WDR41: variants seen among roughly 807,000 people sequenced by gnomAD.
WDR41 encodes the protein WD repeat-containing protein 41.
WDR41 carries 63 observed loss-of-function variants against 69.3 expected under a neutral mutation model. The ratio of observed to expected loss-of-function variants is 0.91; its 90% CI spans 0.74 to 1.12. The LOEUF (loss-of-function observed/expected upper bound fraction) is 1.12, where lower values mean the gene tolerates loss of function less well. WDR41 is among the 50% of genes most tolerant of loss of function. The probability of loss-of-function intolerance (pLI) is 0.00; values close to 1 mark genes in which losing one functional copy is unlikely to be tolerated. For missense variants in WDR41, 543 were observed against 534.5 expected, an observed-to-expected ratio of 1.02 and a Z score of -0.16; for synonymous variants, 185 against 192.1, an observed-to-expected ratio of 0.96 and a Z score of 0.31.
intron 12 of WDR41, among the ~76,000 whole-genome samples, chr5:77,435,924 C>A (rs1798921442): frequency 6.6e-6 from 1 of 152,198 alleles, no homozygotes; most frequent in African/African-American, 2.4e-5. Context: ...TAACTGTATA[C>A]ACATATAACC....
intron 1 of WDR41, among the ~76,000 whole-genome samples, chr5:77,542,814 T>C (rs531531202): frequency 6.6e-6 from 1 of 152,226 alleles, no homozygotes; most frequent in Admixed American, 6.5e-5. Context: ...GAAGCTCACA[T>C]TGTGAATTTT....
At chr5:77,445,710 G>A (rs1460658907) in intron 8 of WDR41, among the ~76,000 whole-genome samples, 1 of 152,108 alleles carries the variant, frequency 6.6e-6, no homozygotes, top group African/African-American at 2.4e-5. Context: ...AAAGGCCTTC[G>A]ATAAAATTTA....
At chr5:77,486,281 A>G (rs913875370) in intron 2 of WDR41, among the ~76,000 whole-genome samples, 6 of 152,242 alleles carry the variant, frequency 3.9e-5, no homozygotes, top group African/African-American at 1.2e-4. Context: ...ATAGTTGATT[A>G]TATGTAAATT....
intron 1 of WDR41, among the ~76,000 whole-genome samples, chr5:77,590,397 C>T (rs934307668): frequency 3.3e-5 from 5 of 152,118 alleles, no homozygotes; most frequent in African/African-American, 7.2e-5. Context: ...AGACATACAA[C>T]GCCCAGAAGG....
chr5:77,593,572 T>C (rs1214629617), intron 1 of WDR41, among the ~76,000 whole-genome samples: 2 of 152,254 alleles, frequency 1.3e-5, no homozygotes, highest in Admixed American at 6.5e-5. Flanking sequence ...ATATAGTAAA[T>C]GTAAACAAAG....
intron 1 of WDR41, among the ~76,000 whole-genome samples, chr5:77,612,078 C>G (rs970267109): frequency 7.9e-5 from 12 of 152,104 alleles, no homozygotes; most frequent in Admixed American, 2.6e-4. Flanking sequence ...TACACCCTCC[C>G]AAGACTAAAC....
At chr5:77,513,794 CT>C (rs1342512429) in intron 1 of WDR41, among the ~76,000 whole-genome samples, 1 of 152,086 alleles carries the variant, frequency 6.6e-6, no homozygotes, top group Non-Finnish European at 1.5e-5. Flanking sequence ...TTTCTAGCTC[CT>C]TTGACTACAG....
chr5:77,441,329 ATG>A (rs1429479182), intron 8 of WDR41, among the ~76,000 whole-genome samples: 22 of 152,222 alleles, frequency 1.4e-4, no homozygotes, highest in Non-Finnish European at 1.5e-5. Context: ...AGATTAAAAC[ATG>A]AAAGTTAGTT....
chr5:77,453,955 C>T, intron 5 of WDR41, 27 bp from the exon 6 acceptor site: 1 of 1,562,194 alleles, frequency 6.4e-7, no homozygotes, highest in Non-Finnish European at 8.8e-7. Context: ...AAATGTATAT[C>T]AGGTTAGAAA....
chr5:77,616,774 G>GA (rs1305781949), intron 1 of WDR41, among the ~76,000 whole-genome samples: 4 of 152,104 alleles, frequency 2.6e-5, no homozygotes, highest in African/African-American at 9.7e-5. Flanking sequence ...ACCACTGATG[G>GA]AAAATCACCG....
intron 1 of WDR41, among the ~76,000 whole-genome samples, chr5:77,597,656 T>C (rs894371268): frequency 3.3e-5 from 5 of 152,330 alleles, no homozygotes; most frequent in African/African-American, 4.8e-5. Context: ...AATAGATTTG[T>C]TTTGTTCACT....
At chr5:77,613,952 A>G (rs1165993939) in intron 1 of WDR41, among the ~76,000 whole-genome samples, 1 of 152,248 alleles carries the variant, frequency 6.6e-6, no homozygotes, top group Non-Finnish European at 1.5e-5. Flanking sequence ...TTTACAAGAA[A>G]AAAACAAACA....
intron 2 of WDR41, among the ~76,000 whole-genome samples, chr5:77,479,493 G>T (rs2112050738): frequency 6.6e-6 from 1 of 152,230 alleles, no homozygotes; most frequent in East Asian, 1.9e-4. Context: ...CAATGGAAAA[G>T]AACAGAGCCC....
chr5:77,612,239 C>T (rs1313669477), intron 1 of WDR41, among the ~76,000 whole-genome samples: 1 of 152,230 alleles, frequency 6.6e-6, no homozygotes, highest in Non-Finnish European at 1.5e-5. Flanking sequence ...ACCATTCCTT[C>T]TGAAACTATT....
chr5:77,589,010 A>T (rs947602393), intron 1 of WDR41, among the ~76,000 whole-genome samples: 1 of 152,154 alleles, frequency 6.6e-6, no homozygotes, highest in African/African-American at 2.4e-5. Context: ...AAATGTGAAA[A>T]ATGTGGCACT....
intron 7 of WDR41, 134 bp downstream of exon 7, chr5:77,451,157 T>A (rs1799612737): frequency 1.4e-6 from 1 of 738,416 alleles, no homozygotes; most frequent in African/African-American, 1.8e-5. Context: ...AGTCTCTGTA[T>A]CACTTCAACA....
At chr5:77,467,958 G>C (rs1449870461) in intron 2 of WDR41, among the ~76,000 whole-genome samples, 1 of 150,940 alleles carries the variant, frequency 6.6e-6, no homozygotes, top group East Asian at 1.9e-4. Context: ...TTAAAACCAA[G>C]TCCAAGATCA....
intron 1 of WDR41, among the ~76,000 whole-genome samples, chr5:77,549,752 A>T (rs548699211): frequency 5.3e-5 from 8 of 152,160 alleles, no homozygotes; most frequent in Non-Finnish European, 1.2e-4. Flanking sequence ...CATTTTTCAC[A>T]GAATTAGAAA....
chr5:77,474,449 C>A (rs972874952), intron 2 of WDR41, among the ~76,000 whole-genome samples: 1 of 151,986 alleles, frequency 6.6e-6, no homozygotes, highest in East Asian at 1.9e-4. Flanking sequence ...CAAAAAAAAT[C>A]ACAATTTTCA....
Sources: allele counts gnomAD v4.1 joint callset (sites outside exome capture counted in the v4.1 genomes callset), GRCh38; gene constraint gnomAD v4.1.1; transcripts MANE v1.5; gene names NCBI Gene and HGNC (gene_info 2026-07-23, HGNC 2026-07-21).